Variants in RAB38 observed in about 807,000 individuals in gnomAD.
The protein encoded by RAB38 is ras-related protein Rab-38.
Under a neutral mutation model 18.4 loss-of-function variants are expected in RAB38, and 15 were observed. The ratio of observed to expected loss-of-function variants is 0.82; its 90% CI spans 0.55 to 1.26. The LOEUF (loss-of-function observed/expected upper bound fraction) is 1.26. RAB38 is among the 50% of genes most tolerant of loss of function. The probability of loss-of-function intolerance (pLI) is 0.00; values close to 1 mark genes in which losing one functional copy is unlikely to be tolerated. For synonymous variants in RAB38, 101 were observed against 104.4 expected, an observed-to-expected ratio of 0.97 and a Z score of 0.20; for missense variants, 294 against 267.4, an observed-to-expected ratio of 1.10 and a Z score of -0.69.
downstream of RAB38, among the ~76,000 whole-genome samples, chr11:88,110,091 C>G (rs1009549731): frequency 6.6e-6 from 1 of 152,068 alleles, no homozygotes; most frequent in African/African-American, 2.4e-5. Context: ...CAGCACTATT[C>G]CCAATAGCAA....
chr11:88,094,146 C>T, the RAB38 span, among the ~76,000 whole-genome samples: 1 of 151,868 alleles, frequency 6.6e-6, no homozygotes, highest in Non-Finnish European at 1.5e-5. Flanking sequence ...GTAATACATA[C>T]ATGAACATAC....
At chr11:88,145,606 A>G (rs1431824337) in intron 2 of RAB38, among the ~76,000 whole-genome samples, 1 of 152,122 alleles carries the variant, frequency 6.6e-6, no homozygotes, top group African/African-American at 2.4e-5. Flanking sequence ...AGCCTCTCAA[A>G]TGGGCCCTGA....
At chr11:88,169,602 C>T (rs1943284398) in intron 1 of RAB38, among the ~76,000 whole-genome samples, 1 of 152,142 alleles carries the variant, frequency 6.6e-6, no homozygotes, top group African/African-American at 2.4e-5. Context: ...GATCCTCAAG[C>T]AAAGGAGACT....
At chr11:87,845,033 A>G in the RAB38 span, among the ~76,000 whole-genome samples, 28 of 152,216 alleles carry the variant, frequency 1.8e-4, no homozygotes, top group African/African-American at 5.5e-4. Flanking sequence ...ATCAAGAATA[A>G]CAATAATTTA....
At chr11:87,941,024 A>G in the RAB38 span, among the ~76,000 whole-genome samples, 1 of 151,474 alleles carries the variant, frequency 6.6e-6, no homozygotes, top group Non-Finnish European at 1.5e-5. Context: ...CCTGTTTTGC[A>G]TGTACCTGTC....
chr11:87,837,015 C>T, the RAB38 span, among the ~76,000 whole-genome samples: 2 of 152,184 alleles, frequency 1.3e-5, no homozygotes, highest in Non-Finnish European at 2.9e-5. Flanking sequence ...GCTTTCTCAT[C>T]TGTAAAATGG....
At chr11:88,165,236 T>C (rs1228894391) in intron 1 of RAB38, among the ~76,000 whole-genome samples, 1 of 152,132 alleles carries the variant, frequency 6.6e-6, no homozygotes, top group Non-Finnish European at 1.5e-5. Flanking sequence ...GGCTAGAAAA[T>C]AGGATTTGTA....
chr11:88,095,525 T>A, the RAB38 span, among the ~76,000 whole-genome samples: 1 of 151,906 alleles, frequency 6.6e-6, no homozygotes, highest in East Asian at 1.9e-4. Flanking sequence ...TCTATGCTAT[T>A]CCTTCTTATT....
chr11:88,030,444 G>T, the RAB38 span, among the ~76,000 whole-genome samples: 2 of 152,110 alleles, frequency 1.3e-5, no homozygotes, highest in African/African-American at 2.4e-5. Flanking sequence ...CCAGAAGCTG[G>T]TTTTTTGAAA....
the RAB38 span, among the ~76,000 whole-genome samples, chr11:87,944,482 T>G: frequency 6.6e-6 from 1 of 152,140 alleles, no homozygotes; most frequent in Admixed American, 6.6e-5. Flanking sequence ...CTTCCATTTT[T>G]GGTCCCTACA....
the RAB38 span, among the ~76,000 whole-genome samples, chr11:87,809,766 A>G: frequency 6.6e-6 from 1 of 152,184 alleles, no homozygotes; most frequent in African/African-American, 2.4e-5. Context: ...TTTATCCTCA[A>G]TTTGTTTTTT....
the RAB38 span, among the ~76,000 whole-genome samples, chr11:87,813,908 T>C: frequency 4.6e-5 from 7 of 152,188 alleles, no homozygotes; most frequent in South Asian, 2.1e-4. Flanking sequence ...GGGGGTGTGG[T>C]TGAACAAAGT....
Position 88,172,499 on chromosome 11 carries a change from T to C in RAB38, c.202+2684A>G, listed in dbSNP as rs543462414. Among the ~76,000 whole-genome samples, 40 of 152,294 alleles carry C rather than the reference T, an allele frequency of 2.6e-4. No individual in the cohort carries two copies. The South Asian group carries it at 8.3e-3, about 32-fold the overall frequency. ...CCCTTAATAACAAATGTATATGATA[T>C]CCTATCAGAACAGTGCAGGTCTTCT... On this transcript the variant is annotated intron_variant, in intron 1 of 2. Transcript: ENST00000243662.
chr11:87,873,670 T>C, the RAB38 span, among the ~76,000 whole-genome samples: 12,454 of 151,414 alleles, frequency 0.082, 765 homozygotes, highest in African/African-American at 0.16. Context: ...TTGTTTTGCA[T>C]GTGGACATCC....
the RAB38 span, among the ~76,000 whole-genome samples, chr11:88,030,417 T>A: frequency 1.3e-5 from 2 of 152,036 alleles, no homozygotes; most frequent in Non-Finnish European, 2.9e-5. Context: ...AAAAAACTCT[T>A]CAAAAAATTA....
the RAB38 span, among the ~76,000 whole-genome samples, chr11:87,912,025 T>C: frequency 6.6e-6 from 1 of 151,976 alleles, no homozygotes; most frequent in Non-Finnish European, 1.5e-5. Flanking sequence ...GATTTTCAAA[T>C]ATTAAAACCC....
intron 1 of RAB38, among the ~76,000 whole-genome samples, chr11:88,156,698 T>C (rs1344677551): frequency 7.0e-6 from 1 of 142,746 alleles, no homozygotes; most frequent in African/African-American, 2.6e-5. Context: ...CAAGACTTTG[T>C]CTCAAGAAAA....
chr11:87,948,772 G>A, the RAB38 span, among the ~76,000 whole-genome samples: 2 of 150,214 alleles, frequency 1.3e-5, no homozygotes, highest in Non-Finnish European at 3.0e-5. Context: ...GCTTTTTGAT[G>A]TGCTGCTGGA....
chr11:88,008,657 G>T, the RAB38 span, among the ~76,000 whole-genome samples: 2 of 152,150 alleles, frequency 1.3e-5, no homozygotes, highest in Non-Finnish European at 2.9e-5. Context: ...AAATTGTCAA[G>T]GAATGATATA....
Sources: allele counts gnomAD v4.1 joint callset (sites outside exome capture counted in the v4.1 genomes callset), GRCh38; gene constraint gnomAD v4.1.1; transcripts MANE v1.5; gene names NCBI Gene and HGNC (gene_info 2026-07-23, HGNC 2026-07-21).